The following CPNE4 variants were observed in gnomAD, a reference collection of about 807,000 sequenced individuals.
CPNE4 encodes copine-4.
CPNE4 carries 25 observed loss-of-function variants against 67.9 expected under a neutral mutation model. The observed-to-expected ratio is 0.37, with a 90% CI of 0.27 to 0.51. The LOEUF is 0.51. Ranked by LOEUF, CPNE4 falls within the 20% of genes least tolerant of loss-of-function variation. CPNE4 has a pLI of 0.93. For missense variants in CPNE4, 464 were observed against 690.8 expected (o/e 0.67, Z 3.68); for synonymous variants, 242 against 244.9 (o/e 0.99, Z 0.11).
intron 2 of CPNE4, among the ~76,000 whole-genome samples, chr3:131,738,535 G>A (rs1384532622): frequency 6.6e-6 from 1 of 152,188 alleles, no homozygotes; most frequent in Non-Finnish European, 1.5e-5. Context: ...AAGGGAGGGG[G>A]AATGAACTCA....
chr3:131,599,372 C>T (rs1032578314), intron 7 of CPNE4, among the ~76,000 whole-genome samples: 26 of 152,326 alleles, frequency 1.7e-4, no homozygotes, highest in African/African-American at 5.8e-4. Context: ...CTTTTTCTCA[C>T]TGTAGACTTG....
chr3:131,835,265 A>C (rs2085510955), intron 2 of CPNE4, among the ~76,000 whole-genome samples: 1 of 152,228 alleles, frequency 6.6e-6, no homozygotes, highest in African/African-American at 2.4e-5. Flanking sequence ...GCGGAGGCTC[A>C]AGCCTGTAAT....
chr3:131,571,460 G>T lies in CPNE4; in HGVS notation c.927+3611C>A, dbSNP rs144649122. Reference sequence around the variant, plus strand: ...TGAAAGTACCTCTGACGTGTCCAAAGCCAAATTCATCATCTTGCCTACAGC... The same window carrying T: ...TGAAAGTACCTCTGACGTGTCCAAATCCAAATTCATCATCTTGCCTACAGC... On this transcript the variant is annotated intron_variant, in intron 10 of 15. Coordinates refer to ENST00000429747, the MANE Select transcript of CPNE4 (RefSeq NM_130808.3). Among the ~76,000 whole-genome samples, 85 of 152,144 alleles carry T rather than the reference G, an allele frequency of 5.6e-4. 1 individual carries two copies. Among genetic ancestry groups the T allele is most frequent in the African/African-American group, 1.7e-3 (70 of 41,542 alleles).
chr3:131,701,926 T>C (rs932420827), intron 3 of CPNE4, among the ~76,000 whole-genome samples: 16 of 152,324 alleles, frequency 1.1e-4, no homozygotes, highest in African/African-American at 3.8e-4. Flanking sequence ...GCAATGATAC[T>C]GTACACATAT....
intron 1 of CPNE4, among the ~76,000 whole-genome samples, chr3:131,998,420 A>C (rs1397813321): frequency 6.6e-6 from 1 of 152,186 alleles, no homozygotes; most frequent in African/African-American, 2.4e-5. Flanking sequence ...TTAATGAGCC[A>C]GTCTGTTCAC....
At chr3:131,584,733 A>G (rs1680916675) in intron 8 of CPNE4, among the ~76,000 whole-genome samples, 1 of 152,220 alleles carries the variant, frequency 6.6e-6, no homozygotes, top group Non-Finnish European at 1.5e-5. Flanking sequence ...AATCTGCACT[A>G]TCAAATATAG....
chr3:131,717,936 TTC>T (rs1472436923), intron 3 of CPNE4, among the ~76,000 whole-genome samples: 1 of 148,338 alleles, frequency 6.7e-6, no homozygotes, highest in African/African-American at 2.5e-5. Context: ...CTTTCTTTCT[TTC>T]TTTCTTTTCT....
intron 2 of CPNE4, among the ~76,000 whole-genome samples, chr3:131,847,742 G>A (rs2086059949): frequency 6.6e-6 from 1 of 151,944 alleles, no homozygotes; most frequent in Non-Finnish European, 1.5e-5. Flanking sequence ...TTTCTTAAGG[G>A]GTCTCCCCAC....
rs149162597 is a variant in CPNE4 at position 131,663,299 on chromosome 3, C to T, written c.681+6376G>A. Among the ~76,000 whole-genome samples the T allele has an allele frequency of 1.0e-4, 15 of 149,952 alleles. No homozygotes were observed. In the East Asian group the frequency reaches 1.4e-3, roughly 14 times the overall value. On this transcript the variant is annotated intron_variant, in intron 7 of 15. Transcript: ENST00000429747. ...ACACAGGGAGGGGAACATCATACAT[C>T]GGGGCCTGTCAGGGGGTGGGAGGCA...
rs1211325821 is a variant in CPNE4, at chr3:131,801,446, GTGTGTGTATATA to G, written c.181-77833_181-77822del. 2.6e-3 allele frequency among the ~76,000 whole-genome samples: 218 copies of G among 85,210 alleles called. 6 individuals carry two copies. The highest frequency in any genetic ancestry group is 6.3e-3 in the Middle Eastern group (1 of 158). 55.9% of individuals were successfully genotyped at this position (85,210 alleles called of 152,430 possible). A position where few individuals can be genotyped will look rare whatever the true frequency, so the allele number is the denominator to read the frequency against. On this transcript the variant is annotated intron_variant, in intron 2 of 15. Transcript: ENST00000429747. The stretch of plus-strand genomic sequence containing the variant: ...TGTGTGTGTGTGTGTGTGTGTGTGT[GTGTGTGTATATA>G]TATATATATATATATATATAATATC...
chr3:131,882,313 A>C (rs9876749), intron 2 of CPNE4, among the ~76,000 whole-genome samples: 42,524 of 152,108 alleles, frequency 0.28, 7,254 homozygotes, highest in Non-Finnish European at 0.37. Flanking sequence ...GAAAGATACA[A>C]ATGCAATTAG....
intron 2 of CPNE4, among the ~76,000 whole-genome samples, chr3:131,879,524 T>C (rs2087586176): frequency 6.6e-6 from 1 of 152,150 alleles, no homozygotes; most frequent in Admixed American, 6.5e-5. Context: ...CCTCAGAAAC[T>C]GTCCCCCACC....
chr3:131,874,313 C>T (rs2087346073), intron 2 of CPNE4, among the ~76,000 whole-genome samples: 1 of 152,166 alleles, frequency 6.6e-6, no homozygotes, highest in African/African-American at 2.4e-5. Flanking sequence ...TGGTTTCAAT[C>T]TCCTGACCTT....
intron 1 of CPNE4, among the ~76,000 whole-genome samples, chr3:131,936,701 A>T (rs1047023100): frequency 6.6e-6 from 1 of 152,182 alleles, no homozygotes; most frequent in Admixed American, 6.6e-5. Flanking sequence ...TGTCATGGAC[A>T]TATGAAAATT....
At chr3:131,738,711 A>G (rs1336055032) in intron 2 of CPNE4, among the ~76,000 whole-genome samples, 1 of 152,034 alleles carries the variant, frequency 6.6e-6, no homozygotes, top group Non-Finnish European at 1.5e-5. Context: ...GGATATGTTT[A>G]GTGGTTATGG....
In CPNE4 at chr3:131,976,539, T is replaced by C. The variant is rs1472198232; in HGVS notation, c.-2+58028A>G. On this transcript the variant is annotated intron_variant, in intron 1 of 15. Coordinates refer to ENST00000429747, the MANE Select transcript of CPNE4 (RefSeq NM_130808.3). ...AGGAAAGAGAAAACAAGCCTTCTCC[T>C]GGGGTGTATGTCAGAATATTACATC... 2.0e-5 allele frequency among the ~76,000 whole-genome samples: 3 copies of C among 152,224 alleles called. No homozygotes were observed. In the East Asian group the frequency reaches 5.8e-4, roughly 29 times the overall value.
intron 2 of CPNE4, among the ~76,000 whole-genome samples, chr3:131,780,495 C>T (rs1277742481): frequency 6.6e-6 from 1 of 152,196 alleles, no homozygotes; most frequent in Non-Finnish European, 1.5e-5. Context: ...TACTACACAG[C>T]CATAAAAATA....
intron 1 of CPNE4, among the ~76,000 whole-genome samples, chr3:131,923,878 C>T (rs921491516): frequency 4.0e-5 from 6 of 151,846 alleles, no homozygotes; most frequent in African/African-American, 1.2e-4. Flanking sequence ...CTTTCTAATC[C>T]TCCTCTCTCC....
chr3:131,944,474 A>C (rs769602023), intron 1 of CPNE4, among the ~76,000 whole-genome samples: 27 of 152,166 alleles, frequency 1.8e-4, no homozygotes, highest in East Asian at 1.9e-4. Context: ...AGTACTACTA[A>C]TATTTCACTC....
Sources: allele counts gnomAD v4.1 joint callset (sites outside exome capture counted in the v4.1 genomes callset), GRCh38; gene constraint gnomAD v4.1.1; transcripts MANE v1.5; gene names NCBI Gene and HGNC (gene_info 2026-07-23, HGNC 2026-07-21).